The following AGFG1 variants were observed in gnomAD, a reference collection of about 807,000 sequenced individuals.
AGFG1 encodes the protein arf-GAP domain and FG repeat-containing protein 1.
Under a neutral mutation model 60.6 loss-of-function variants are expected in AGFG1, and 10 were observed. The ratio of observed to expected loss-of-function variants is 0.16; its 90% CI spans 0.10 to 0.28. The LOEUF is 0.28. Among genes scored for constraint, AGFG1 ranks in the 10% least tolerant of loss-of-function variants. The pLI is 1.00. For synonymous variants in AGFG1, 247 were observed against 242.9 expected (o/e 1.02, Z -0.16); for missense variants, 537 against 676.5 (o/e 0.79, Z 2.29).
At chr2:227,541,953 T>C (rs1383830101) in intron 10 of AGFG1, among the ~76,000 whole-genome samples, 3 of 152,200 alleles carry the variant, frequency 2.0e-5, no homozygotes, top group African/African-American at 7.2e-5. Context: ...ATTCTCTTTG[T>C]AGCAATTGTG....
At chr2:227,478,665 A>G (rs768515006) in intron 1 of AGFG1, among the ~76,000 whole-genome samples, 5 of 152,162 alleles carry the variant, frequency 3.3e-5, no homozygotes, top group Admixed American at 6.5e-5. Flanking sequence ...TTAACATACA[A>G]CTGTTAATTT....
intron 2 of AGFG1, among the ~76,000 whole-genome samples, chr2:227,506,836 A>G (rs191372900): frequency 1.4e-3 from 209 of 151,988 alleles, no homozygotes; most frequent in Non-Finnish European, 2.6e-3. Context: ...CATTTATTCC[A>G]CCTTCTGGAT....
Position 227,483,997 on chromosome 2 carries a change from A to G in AGFG1, c.168-7550A>G, listed in dbSNP as rs561284376. Among the ~76,000 whole-genome samples, 6 of 152,082 alleles carry G rather than the reference A, an allele frequency of 3.9e-5. No homozygotes were observed. The South Asian group carries it at 6.2e-4, about 16-fold the overall frequency. On this transcript the variant is annotated intron_variant, in intron 1 of 12. Transcript: ENST00000310078. ...TTTGTTACATATATATACACATGCC[A>G]TGTTGGTGTGCTGCACCCATTAACA...
At chr2:227,543,509 G>A (rs1435970900) in intron 10 of AGFG1, among the ~76,000 whole-genome samples, 3 of 152,118 alleles carry the variant, frequency 2.0e-5, no homozygotes, top group Non-Finnish European at 2.9e-5. Context: ...ATTGCACTGT[G>A]GTCTGAGAGA....
intron 1 of AGFG1, among the ~76,000 whole-genome samples, chr2:227,478,310 A>G (rs1316040477): frequency 6.6e-6 from 1 of 150,632 alleles, no homozygotes; most frequent in Non-Finnish European, 1.5e-5. Context: ...TATAATATAT[A>G]TATTTAGCAA....
chr2:227,544,907 A>T (rs1158859608), intron 10 of AGFG1, among the ~76,000 whole-genome samples: 1 of 151,958 alleles, frequency 6.6e-6, no homozygotes, highest in Non-Finnish European at 1.5e-5. Context: ...CCTTCATTTC[A>T]AGCTTGGTGA....
intron 1 of AGFG1, among the ~76,000 whole-genome samples, chr2:227,475,998 T>G (rs59992615): frequency 6.6e-6 from 1 of 152,232 alleles, no homozygotes; most frequent in Non-Finnish European, 1.5e-5. Context: ...CTAATACCTT[T>G]TTTTAAAATA....
intron 2 of AGFG1, among the ~76,000 whole-genome samples, chr2:227,505,696 G>T (rs533648864): frequency 6.6e-6 from 1 of 151,982 alleles, no homozygotes; most frequent in South Asian, 2.1e-4. Context: ...TTATTGCAAG[G>T]ATGTTTTCTT....
Position 227,560,384 on chromosome 2 carries a change from C to T in AGFG1, c.*5889C>T, listed in dbSNP as rs1693101231. On this transcript the variant is annotated 3_prime_UTR_variant, in exon 13 of 13. Coordinates refer to ENST00000310078, the MANE Select transcript of AGFG1 (RefSeq NM_004504.5). ...GGCTCACCAGCTGTGTAGGTATGAT[C>T]TTGTGCTTCCATTTAAGAAATTCTT... The T allele has an allele frequency of 6.6e-6, 1 of 151,768 alleles. No individual in the cohort carries two copies. The highest frequency in any genetic ancestry group is 2.1e-4 in the South Asian group (1 of 4,812). 9.4% of individuals were successfully genotyped at this position (151,768 alleles called of 1,614,324 possible).
chr2:227,508,702 C>CT (rs1691401733), intron 2 of AGFG1: 1 of 368,352 alleles, frequency 2.7e-6, no homozygotes, highest in Non-Finnish European at 5.5e-6. Context: ...TTTTTTTTTT[C>CT]TTTTTAGGAA....
rs772598275 is a variant in AGFG1 at position 227,555,993 on chromosome 2, AT to A, written c.*1499del. The A allele has an allele frequency of 2.6e-5, 4 of 152,242 alleles. No homozygotes were observed. 9.4% of individuals were successfully genotyped at this position (152,242 alleles called of 1,614,324 possible). ...GGAGACTGAAAAACACTCTGAGAGC[AT>A]ACACTGTCCAAGGCCATTAGTGTAA... is the stretch of plus-strand genomic sequence containing the variant. On this transcript the variant is annotated 3_prime_UTR_variant, in exon 13 of 13. Transcript: ENST00000310078.
intron 2 of AGFG1, among the ~76,000 whole-genome samples, chr2:227,519,142 G>C (rs2106203811): frequency 6.6e-6 from 1 of 152,252 alleles, no homozygotes; most frequent in Non-Finnish European, 1.5e-5. Flanking sequence ...CTCCATCCTG[G>C]GTGATAGAGA....
rs142665109 is a variant in AGFG1 at position 227,498,576 on chromosome 2, A to G, written c.261+6936A>G. The stretch of plus-strand genomic sequence containing the variant: ...GCTCTTCTAAATATTAGCTGAATCT[A>G]GTCAGTAGTAACTTAGTAAAGTTGA... On this transcript the variant is annotated intron_variant, in intron 2 of 12. Transcript: ENST00000310078. 4.9e-3 allele frequency among the ~76,000 whole-genome samples: 739 copies of G among 152,318 alleles called. 5 individuals carry two copies. The highest frequency in any genetic ancestry group is 0.014 in the Middle Eastern group (4 of 294).
chr2:227,554,395 A>G (rs1247466166), intron 12 of AGFG1, 41 bp from the exon 13 acceptor site: 2 of 1,520,222 alleles, frequency 1.3e-6, no homozygotes, highest in Non-Finnish European at 9.0e-7. Context: ...TACATGCACT[A>G]CTTTTGTCTC....
chr2:227,502,335 T>C lies in AGFG1; in HGVS notation c.261+10695T>C, dbSNP rs549684938. ...GGTTTTTTGTTTTTTGTTTTTAATT[T>C]TTTGAGACAGAGTCTCACTCTGTTG... On this transcript the variant is annotated intron_variant, in intron 2 of 12. Transcript: ENST00000310078. 9.2e-5 allele frequency among the ~76,000 whole-genome samples: 14 copies of C among 152,324 alleles called. No individual in the cohort carries two copies. In the South Asian group the frequency reaches 2.7e-3, roughly 29 times the overall value.
chr2:227,474,770 T>A (rs1425394465), intron 1 of AGFG1, among the ~76,000 whole-genome samples: 1 of 152,228 alleles, frequency 6.6e-6, no homozygotes, highest in Non-Finnish European at 1.5e-5. Flanking sequence ...CTGCTTCATA[T>A]GTTTGAAAGA....
intron 2 of AGFG1, among the ~76,000 whole-genome samples, chr2:227,517,111 A>G (rs1331406015): frequency 6.6e-6 from 1 of 152,188 alleles, no homozygotes; most frequent in Non-Finnish European, 1.5e-5. Context: ...AAGTTGTACT[A>G]ATGTTCCTGG....
At chr2:227,545,910 G>A (rs1692631640) in intron 10 of AGFG1, among the ~76,000 whole-genome samples, 1 of 152,200 alleles carries the variant, frequency 6.6e-6, no homozygotes, top group African/African-American at 2.4e-5. Context: ...CCTACTGGGA[G>A]GTGTCTCCCA....
chr2:227,553,000 C>CAA (rs5839220), intron 11 of AGFG1, among the ~76,000 whole-genome samples: 6,047 of 91,854 alleles, frequency 0.066, 399 homozygotes, highest in African/African-American at 0.12. Context: ...AATTCCATCT[C>CAA]AAAAAAAAAA....
Sources: gnomAD v4.1 joint callset for allele counts (sites outside exome capture counted in the v4.1 genomes callset) on GRCh38, gnomAD v4.1.1 for gene constraint, MANE v1.5 for transcripts, NCBI Gene and HGNC (gene_info 2026-07-23, HGNC 2026-07-21) for gene names.